Variants in LIMK2 observed in about 807,000 individuals in gnomAD.
LIMK2 encodes the protein LIM domain kinase 2.
LIMK2 carries 35 observed loss-of-function variants against 75.7 expected under a neutral mutation model. That is an observed-to-expected ratio of 0.46 (90% CI 0.35 to 0.61). The LOEUF is 0.61. Among genes scored for constraint, LIMK2 ranks in the 20% least tolerant of loss-of-function variants. The pLI is 0.00. For synonymous variants in LIMK2, 301 were observed against 319.2 expected (o/e 0.94, Z 0.61); for missense variants, 623 against 831.0 (o/e 0.75, Z 3.08).
Position 31,222,477 on chromosome 22 carries a change from C to T in LIMK2, c.17-3243C>T, listed in dbSNP as rs192469294. On this transcript the variant is annotated intron_variant, in intron 1 of 15. Transcript: ENST00000331728. ...GCAACCTCCACCTCCTGGGTTCAAGCGATTCTCCTGCCTCAGCTTCCTGAG... is the reference window on the plus strand; with the variant it reads ...GCAACCTCCACCTCCTGGGTTCAAGTGATTCTCCTGCCTCAGCTTCCTGAG... Among the ~76,000 whole-genome samples the T allele has an allele frequency of 4.0e-3, 576 of 143,720 alleles. 1 individual carries two copies. Among genetic ancestry groups the T allele is most frequent in the African/African-American group, 0.014 (529 of 38,456 alleles). 94.3% of individuals were successfully genotyped at this position (143,720 alleles called of 152,430 possible).
chr22:31,219,722 TCAC>T (rs1298393375), intron 1 of LIMK2, among the ~76,000 whole-genome samples: 1 of 152,030 alleles, frequency 6.6e-6, no homozygotes, highest in Non-Finnish European at 1.5e-5. Context: ...CAGGCGCCCA[TCAC>T]CATGCCCGGC....
chr22:31,235,298 C>T (rs1015751631), intron 2 of LIMK2, among the ~76,000 whole-genome samples: 1 of 152,160 alleles, frequency 6.6e-6, no homozygotes, highest in Non-Finnish European at 1.5e-5. Context: ...TAGCAGCCAC[C>T]GTGGCTGCAG....
intron 5 of LIMK2, among the ~76,000 whole-genome samples, chr22:31,260,676 A>G (rs906609857): frequency 6.6e-6 from 1 of 152,212 alleles, no homozygotes; most frequent in African/African-American, 2.4e-5. Context: ...TGTGTTGGAC[A>G]CTAGGCTAGT....
At chr22:31,246,398 A>G (rs1054973968) in intron 2 of LIMK2, among the ~76,000 whole-genome samples, 1 of 151,978 alleles carries the variant, frequency 6.6e-6, no homozygotes, top group East Asian at 1.9e-4. Flanking sequence ...AAATCTTTCC[A>G]TAAGTAAATA....
intron 13 of LIMK2, chr22:31,272,966 G>C: frequency 8.0e-7 from 1 of 1,247,520 alleles, no homozygotes; most frequent in Non-Finnish European, 1.0e-6. Context: ...AAGAGCTCAG[G>C]CTATTGTCCC....
Position 31,265,984 on chromosome 22 carries a change from C to T in LIMK2, c.893C>T (p.Ser298Phe), listed in dbSNP as rs1207465844. The T allele has an allele frequency of 1.9e-6, 3 of 1,614,064 alleles. No individual in the cohort carries two copies. Among genetic ancestry groups the T allele is most frequent in the East Asian group, 4.5e-5 (2 of 44,884 alleles). The change falls in exon 8 of 16, where the codon TCC becomes TTC. Residue 298 changes from serine (S) to phenylalanine (F), a missense_variant. By Grantham distance (155) the Ser-to-Phe change is radical (BLOSUM62 -2). Transcript: ENST00000331728. ...NSISKSPGPS[S>F]PKEPLLFSRD... Reference sequence around the variant, plus strand: ...ATCTCCAAGTCCCCTGGCCCCAGCTCCCCAAAGGAGCCCCTGCTGTTCAGC... The same window carrying T: ...ATCTCCAAGTCCCCTGGCCCCAGCTTCCCAAAGGAGCCCCTGCTGTTCAGC...
chr22:31,230,942 C>T (rs966661029), intron 2 of LIMK2, among the ~76,000 whole-genome samples: 1 of 152,202 alleles, frequency 6.6e-6, no homozygotes, highest in Admixed American at 6.5e-5. Flanking sequence ...CCCTCCTGAG[C>T]ATACGACATG....
chr22:31,248,875 C>T (rs1601421242), intron 2 of LIMK2: 1 of 1,256,268 alleles, frequency 8.0e-7, no homozygotes, highest in Non-Finnish European at 1.2e-6. Context: ...ACCATCGGTT[C>T]TGCCGGGCAG....
intron 2 of LIMK2, among the ~76,000 whole-genome samples, chr22:31,231,178 A>T (rs752102833): frequency 7.2e-5 from 11 of 152,134 alleles, no homozygotes; most frequent in Non-Finnish European, 1.5e-4. Context: ...CCTCTTATAT[A>T]ATATGGGGTA....
intron 11 of LIMK2, among the ~76,000 whole-genome samples, chr22:31,269,034 T>TTTTG (rs146064485): frequency 0.091 from 13,688 of 150,888 alleles, 897 homozygotes; most frequent in East Asian, 0.4. Context: ...TTTTTGGTTT[T>TTTTG]TTTGTTTGTT....
At chr22:31,245,915 A>G (rs932874158) in intron 2 of LIMK2, among the ~76,000 whole-genome samples, 2 of 151,980 alleles carry the variant, frequency 1.3e-5, no homozygotes, top group African/African-American at 4.8e-5. Context: ...GCTCACACCT[A>G]TAATCTCAGC....
chr22:31,276,794 C>A lies in LIMK2; in HGVS notation c.1772+1486C>A, dbSNP rs751005826. 15 of 1,608,618 alleles carry A rather than the reference C, an allele frequency of 9.3e-6. No individual in the cohort carries two copies. In the African/African-American group the frequency reaches 1.6e-4, roughly 17 times the overall value. On this transcript the variant is annotated intron_variant, in intron 15 of 15. Transcript: ENST00000331728. ...GACCACGCATCTACTTTCAGAGCCC[C>A]CCCCGGGGCCGCAGGAGAGGGCCCG...
rs2048845533 is a variant in LIMK2 at position 31,262,049 on chromosome 22, C to T, written c.552-85C>T. The T allele has an allele frequency of 1.8e-6, 2 of 1,101,950 alleles. No individual in the cohort carries two copies. The highest frequency in any genetic ancestry group is 2.8e-6 in the Non-Finnish European group (2 of 718,610). The allele number at this position is 1,101,950 out of a possible 1,614,324, so 68.3% of individuals were successfully genotyped here. ...TTAGGGGCCACTGGTGGCCTGGGAC[C>T]TGGTAAACCTTCCCTGCACAAGCAG... On this transcript the variant is annotated intron_variant, in intron 5 of 15. Coordinates refer to ENST00000331728, the MANE Select transcript of LIMK2 (RefSeq NM_005569.4). The surrounding 1 kb of genome is among the most constrained non-coding windows in gnomAD (Gnocchi z 5.0).
chr22:31,217,780 A>G (rs1011792584), intron 1 of LIMK2, among the ~76,000 whole-genome samples: 13 of 152,236 alleles, frequency 8.5e-5, no homozygotes, highest in Admixed American at 2.6e-4. Flanking sequence ...CCTGAAAGAC[A>G]TAAGAACCAT....
In LIMK2 at chr22:31,273,434, T is replaced by TC; in HGVS notation, c.1559-17dup. On this transcript the variant is annotated splice_polypyrimidine_tract_variant and intron_variant, in intron 13 of 15. Transcript: ENST00000331728. Reference sequence around the variant, plus strand: ...AAGGGATGTAAACTTAACAGTGTGCTCTCCTGTGTTCCCCAAGGAAAGAGC... The same window carrying TC: ...AAGGGATGTAAACTTAACAGTGTGCTCCTCCTGTGTTCCCCAAGGAAAGAGC... 6.2e-7 allele frequency: 1 copy of TC among 1,611,036 alleles called. No homozygotes were observed. The highest frequency in any genetic ancestry group is 1.1e-5 in the South Asian group (1 of 90,986).
rs963251452 is a variant in LIMK2, at chr22:31,225,887, G to A, written c.116+68G>A. On this transcript the variant is annotated intron_variant, in intron 2 of 15. Coordinates refer to ENST00000331728, the MANE Select transcript of LIMK2 (RefSeq NM_005569.4). ...CCAAGCACTATTTCATGTTCTGATG[G>A]AAAACACAGAAACAAGCTTCTGAGT... is the stretch of plus-strand genomic sequence containing the variant. 6.2e-6 allele frequency: 7 copies of A among 1,121,430 alleles called. No homozygotes were observed. The Admixed American group carries it at 1.3e-4, about 22-fold the overall frequency. 69.5% of individuals were successfully genotyped at this position (1,121,430 alleles called of 1,614,324 possible).
Position 31,278,638 on chromosome 22 carries a change from G to A in LIMK2, c.*197G>A. ...GAAATGTATCTCCACAGGTTCTGGG[G>A]CCTAGTTACTGTCTGTAAATCCAAT... On this transcript the variant is annotated 3_prime_UTR_variant, in exon 16 of 16. Coordinates refer to ENST00000331728, the MANE Select transcript of LIMK2 (RefSeq NM_005569.4). 2 of 466,210 alleles carry A rather than the reference G, an allele frequency of 4.3e-6. No individual in the cohort carries two copies. The highest frequency in any genetic ancestry group is 3.7e-6 in the Non-Finnish European group (1 of 268,636). The allele number at this position is 466,210 out of a possible 1,614,324, so 28.9% of individuals were successfully genotyped here.
At chr22:31,257,040 ATTTTTTTTT>A (rs529919320) in intron 2 of LIMK2, among the ~76,000 whole-genome samples, 2,268 of 74,846 alleles carry the variant, frequency 0.03, 55 homozygotes, top group Middle Eastern at 0.079. Flanking sequence ...GGAGCTATAG[ATTTTTTTTT>A]TTTTTTTTTT....
At chr22:31,248,444 T>A in intron 2 of LIMK2, 1 of 1,465,534 alleles carries the variant, frequency 6.8e-7, no homozygotes, top group Non-Finnish European at 9.1e-7. Context: ...AGAGAGGTCG[T>A]TTTCTCGGAG....
Sources: gnomAD v4.1 joint callset for allele counts (sites outside exome capture counted in the v4.1 genomes callset) on GRCh38, gnomAD v4.1.1 for gene constraint, Gnocchi (gnomAD v3.1) non-coding constraint, MANE v1.5 for transcripts, NCBI Gene and HGNC (gene_info 2026-07-23, HGNC 2026-07-21) for gene names.